WDCP: variants seen among roughly 807,000 people sequenced by gnomAD.
The protein encoded by WDCP is WD repeat and coiled coil containing, also known as WD repeat and coiled-coil-containing protein.
In WDCP, 19 loss-of-function variants were observed where a neutral mutation model predicts 41.6. The observed-to-expected ratio is 0.46, with a 90% CI of 0.32 to 0.67. WDCP has a LOEUF of 0.67. WDCP is among the 30% of genes least tolerant of loss of function. WDCP has a pLI of 0.04. For missense variants in WDCP, 802 were observed against 850.7 expected (o/e 0.94, Z 0.71); for synonymous variants, 302 against 320.8 (o/e 0.94, Z 0.63).
chr2:24,038,406 T>C lies in WDCP; in HGVS notation c.1089A>G (p.Ile363Met), dbSNP rs532108271. The C allele has an allele frequency of 1.1e-4, 180 of 1,614,178 alleles. No homozygotes were observed. Among genetic ancestry groups the C allele is most frequent in the Admixed American group, 4.8e-4 (29 of 60,016 alleles). Reference protein sequence around the residue: ...VVAVASNTCNIILIYSVIPSS... With the variant: ...VVAVASNTCNMILIYSVIPSS... ...ATGGAATGACAGAGTAGATCAAAAT[T>C]ATATTACAAGTGTTGGAAGCCACTG... The change falls in exon 2 of 4, where the codon ATA becomes ATG. Residue 363 changes from isoleucine to methionine, a missense_variant. Physicochemically the swap from Ile to Met is conservative, Grantham distance 10 (BLOSUM62 1). Around this residue, in one of 5 missense-constraint regions of WDCP, gnomAD observed 247 missense variants for 240.5 expected, o/e 1.03. Transcript: ENST00000295148.
At chr2:24,040,301 T>G (rs1663390105) in intron 1 of WDCP, among the ~76,000 whole-genome samples, 1 of 152,234 alleles carries the variant, frequency 6.6e-6, no homozygotes, top group South Asian at 2.1e-4. Flanking sequence ...TGTTAATAAT[T>G]GTAGAGTCTA....
At chr2:24,035,710 T>G in intron 2 of WDCP, among the ~76,000 whole-genome samples, 1 of 151,276 alleles carries the variant, frequency 6.6e-6, no homozygotes, top group Non-Finnish European at 1.5e-5. Context: ...AGCCCAGGAC[T>G]TCCAAACAAG....
In WDCP at chr2:24,038,740, G is replaced by A; in HGVS notation, c.755C>T (p.Pro252Leu). 6.2e-7 allele frequency: 1 copy of A among 1,614,130 alleles called. No individual in the cohort carries two copies. The highest frequency in any genetic ancestry group is 1.1e-5 in the South Asian group (1 of 91,068). ...NSKDMTPYAL[P>L]VIGEVRSMDK... The stretch of plus-strand genomic sequence containing the variant: ...CATAGAGCGTACTTCACCAATAACT[G>A]GTAAAGCATACGGAGTCATGTCTTT... The change falls in exon 2 of 4, where the codon CCA (proline) becomes CTA (leucine). Residue 252 changes from proline to leucine, a missense_variant. Pro to Leu is a moderately conservative substitution (Grantham distance 98). This residue lies in a region of WDCP where 247 missense variants were observed against 240.5 expected (regional missense o/e 1.03). Coordinates refer to ENST00000295148, the MANE Select transcript of WDCP (RefSeq NM_025203.3).
Position 24,039,137 on chromosome 2 carries a change from C to A in WDCP, c.358G>T (p.Val120Leu). ...GSLPILPQGC[V>L]WHPKCAILTV... Reference sequence around the variant, plus strand: ...AGAATAGCACATTTTGGGTGCCACACACAGCCCTGGGGAAGGATAGGTAGT... The same window carrying A: ...AGAATAGCACATTTTGGGTGCCACAAACAGCCCTGGGGAAGGATAGGTAGT... The change falls in exon 2 of 4, where the codon GTG becomes TTG. Residue 120 changes from valine to leucine, a missense_variant. This residue lies in a region of WDCP where 214 missense variants were observed against 252.9 expected (regional missense o/e 0.85). Coordinates refer to ENST00000295148, the MANE Select transcript of WDCP (RefSeq NM_025203.3). The A allele has an allele frequency of 1.9e-6, 3 of 1,614,224 alleles. No homozygotes were observed. The highest frequency in any genetic ancestry group is 2.5e-6 in the Non-Finnish European group (3 of 1,180,042).
At chr2:24,031,230 A>C in intron 3 of WDCP, 68 bp from the exon 4 acceptor site, 2 of 1,242,188 alleles carry the variant, frequency 1.6e-6, no homozygotes, top group South Asian at 2.8e-5. Context: ...ATATGACTAC[A>C]AATTTTTTTT....
intron 3 of WDCP, among the ~76,000 whole-genome samples, chr2:24,031,719 G>A (rs901700861): frequency 5.3e-5 from 8 of 151,834 alleles, no homozygotes; most frequent in South Asian, 2.1e-4. Context: ...CCAGCTACTC[G>A]GGAGGCTGAG....
In WDCP at chr2:24,037,906, G is replaced by A; in HGVS notation, c.1589C>T (p.Thr530Ile). Residue 530 changes from threonine (T) to isoleucine (I), a missense_variant, in exon 2 of 4, where the codon ACA (threonine) becomes ATA (isoleucine). By Grantham distance (89) the Thr-to-Ile change is moderately conservative. This residue lies in a region of WDCP where 321 missense variants were observed against 305.1 expected (regional missense o/e 1.05). Coordinates refer to ENST00000295148, the MANE Select transcript of WDCP (RefSeq NM_025203.3). ...QPASLPRHSS[T>I]PDHTSTLEPP... ...CTCCAGTGTGCTGGTGTGGTCTGGT[G>A]TGCTGCTGTGTCTGGGCAGCGATGC... The A allele has an allele frequency of 6.2e-7, 1 of 1,614,158 alleles. No homozygotes were observed. The highest frequency in any genetic ancestry group is 8.5e-7 in the Non-Finnish European group (1 of 1,180,010).
intron 2 of WDCP, among the ~76,000 whole-genome samples, chr2:24,037,117 T>A (rs576490845): frequency 6.6e-6 from 1 of 152,340 alleles, no homozygotes; most frequent in East Asian, 1.9e-4. Context: ...AACCTGTGCC[T>A]CCCGGGCTCA....
intron 3 of WDCP, among the ~76,000 whole-genome samples, chr2:24,032,037 TG>T (rs959343145): frequency 1.1e-4 from 17 of 152,334 alleles, no homozygotes; most frequent in African/African-American, 3.8e-4. Context: ...CCATATGTTT[TG>T]GCACCTATAC....
chr2:24,035,929 T>TG (rs1663237288), intron 2 of WDCP, among the ~76,000 whole-genome samples: 2 of 151,554 alleles, frequency 1.3e-5, no homozygotes, highest in African/African-American at 4.8e-5. Flanking sequence ...ATTAGCCAGG[T>TG]GTGGTGGCAC....
At position 24,039,334 on chromosome 2, in the gene WDCP, A is replaced by C; in HGVS notation, c.161T>G (p.Ile54Ser). 1 of 1,614,220 alleles carries C rather than the reference A, an allele frequency of 6.2e-7. No individual in the cohort carries two copies. Among genetic ancestry groups the C allele is most frequent in the Non-Finnish European group, 8.5e-7 (1 of 1,180,034 alleles). ...GEVKFGDSKVIGQFECVCGLS... is the reference protein window; with the variant it reads ...GEVKFGDSKVSGQFECVCGLS... ...CCCACAGACACATTCAAACTGTCCA[A>C]TGACTTTGGAGTCCCCAAACTTGAC... The change falls in exon 2 of 4, where the codon ATT (isoleucine) becomes AGT (serine). Residue 54 changes from isoleucine (I) to serine (S), a missense_variant. Ile to Ser is a moderately radical substitution (Grantham distance 142). Transcript: ENST00000295148.
Position 24,038,929 on chromosome 2 carries a change from T to C in WDCP, c.566A>G (p.Lys189Arg). Residue 189 changes from lysine (K) to arginine (R), a missense_variant, in exon 2 of 4, where the codon AAG (lysine) becomes AGG (arginine). Lys to Arg is a conservative substitution (Grantham distance 26). Around this residue, in one of 5 missense-constraint regions of WDCP, gnomAD observed 214 missense variants for 252.9 expected, o/e 0.85. Transcript: ENST00000295148. ...LHSYIWDSAQ[K>R]TLHRCSSCLV... ...GCAGGAGGAGCACCTGTGAAGAGTC[T>C]TCTGAGCGCTGTCCCAAATATAAGA... 2 of 1,614,240 alleles carry C rather than the reference T, an allele frequency of 1.2e-6. No individual in the cohort carries two copies. The highest frequency in any genetic ancestry group is 1.7e-6 in the Non-Finnish European group (2 of 1,180,044).
intron 1 of WDCP, among the ~76,000 whole-genome samples, chr2:24,046,971 C>T (rs570044230): frequency 1.5e-4 from 23 of 152,286 alleles, no homozygotes; most frequent in Non-Finnish European, 3.1e-4. Flanking sequence ...TACTGAACTG[C>T]TCCTAGCTGT....
chr2:24,034,263 A>C (rs533138975), intron 2 of WDCP, among the ~76,000 whole-genome samples: 48 of 152,210 alleles, frequency 3.2e-4, no homozygotes, highest in Non-Finnish European at 2.9e-4. Context: ...TCTACTATAA[A>C]TACAAAAATT....
At chr2:24,039,695 T>A (rs2150951798) in intron 1 of WDCP, among the ~76,000 whole-genome samples, 183 bp from the exon 2 acceptor site, 1 of 152,324 alleles carries the variant, frequency 6.6e-6, no homozygotes, top group African/African-American at 2.4e-5. Flanking sequence ...TGTATATACT[T>A]TGGATCTTGA....
Position 24,038,850 on chromosome 2 carries a change from T to C in WDCP, c.645A>G (p.Ser215=), listed in dbSNP as rs751209925. ...HVCSITATVD[S]QVAIATELPL... is the part of the protein sequence containing the mutation. ...GAAGCTCAGTAGCTATAGCAACCTG[T>C]GAGTCCACAGTTGCTGTGATGGAGC... The change falls in exon 2 of 4, where the codon TCA becomes TCG. Residue 215 remains serine (S), a synonymous_variant. Transcript: ENST00000295148. The C allele has an allele frequency of 8.7e-6, 14 of 1,614,122 alleles. No individual in the cohort carries two copies. Among genetic ancestry groups the C allele is most frequent in the Non-Finnish European group, 1.2e-5 (14 of 1,179,938 alleles).
In WDCP at chr2:24,029,506, T is replaced by C. The variant is rs1398721242; in HGVS notation, c.*1427A>G. The C allele has an allele frequency of 2.0e-5, 3 of 152,202 alleles. No homozygotes were observed. The highest frequency in any genetic ancestry group is 2.9e-5 in the Non-Finnish European group (2 of 68,046). 9.4% of individuals were successfully genotyped at this position (152,202 alleles called of 1,614,324 possible). On this transcript the variant is annotated 3_prime_UTR_variant, in exon 4 of 4. Transcript: ENST00000295148. ...AATTGTGATTTCATCGCACCCCAGA[T>C]ACTTCCAAGTGGAGCCAGGCCTCAG...
intron 2 of WDCP, 26 bp downstream of exon 2, chr2:24,037,651 T>C: frequency 2.5e-6 from 4 of 1,583,042 alleles, no homozygotes; most frequent in South Asian, 1.1e-5. Flanking sequence ...TTATGTATAG[T>C]GGTAGTTCCT....
chr2:24,038,434 A>T lies in WDCP; in HGVS notation c.1061T>A (p.Val354Glu). ...ATTACAAGTGTTGGAAGCCACTGCC[A>T]CTACGTGGGCTTTAAGATTAAATGC... ...LIAFNLKAHV[V>E]AVASNTCNII... is the part of the protein sequence containing the mutation. The change falls in exon 2 of 4, where the codon GTG becomes GAG. Residue 354 changes from valine to glutamate, a missense_variant. Coordinates refer to ENST00000295148, the MANE Select transcript of WDCP (RefSeq NM_025203.3). The T allele has an allele frequency of 1.2e-6, 2 of 1,614,174 alleles. No individual in the cohort carries two copies. Among genetic ancestry groups the T allele is most frequent in the Non-Finnish European group, 1.7e-6 (2 of 1,180,024 alleles).
Sources: allele counts gnomAD v4.1 joint callset (sites outside exome capture counted in the v4.1 genomes callset), GRCh38; gene constraint gnomAD v4.1.1; regional missense constraint gnomAD v4.1.1; transcripts MANE v1.5; gene names NCBI Gene and HGNC (gene_info 2026-07-23, HGNC 2026-07-21).